PRKAR2B: variants seen among roughly 807,000 people sequenced by gnomAD.
The protein encoded by PRKAR2B is protein kinase cAMP-dependent type II regulatory subunit beta, also known as cAMP-dependent protein kinase type II-beta regulatory subunit.
A neutral mutation model predicts 49.9 loss-of-function variants in PRKAR2B; 14 were observed. The observed-to-expected ratio is 0.28, with a 90% CI of 0.19 to 0.44. PRKAR2B has a LOEUF of 0.44. Among genes scored for constraint, PRKAR2B ranks in the 20% least tolerant of loss-of-function variants. The pLI is 1.00. For missense variants in PRKAR2B, 393 were observed against 537.9 expected (o/e 0.73, Z 2.67); for synonymous variants, 196 against 197.7 (o/e 0.99, Z 0.07).
intron 6 of PRKAR2B, among the ~76,000 whole-genome samples, chr7:107,148,700 T>C (rs550698822): frequency 2.8e-4 from 43 of 152,018 alleles, no homozygotes; most frequent in Non-Finnish European, 4.7e-4. Flanking sequence ...AGACTGGAGG[T>C]CTGCCTTATA....
chr7:107,124,508 C>G (rs1226185411), intron 3 of PRKAR2B, among the ~76,000 whole-genome samples: 1 of 152,196 alleles, frequency 6.6e-6, no homozygotes, highest in Non-Finnish European at 1.5e-5. Flanking sequence ...GCCCCCAAGC[C>G]TCTGGGTCAA....
Position 107,133,793 on chromosome 7 carries a change from A to G in PRKAR2B, c.480+5498A>G, listed in dbSNP as rs535391050. ...AATTAGAGTTTTTTTAGTTAATTAA[A>G]AAATATAAATCAGTATACATGTAAA... On this transcript the variant is annotated intron_variant, in intron 4 of 10. Coordinates refer to ENST00000265717, the MANE Select transcript of PRKAR2B (RefSeq NM_002736.3). The G allele has an allele frequency of 2.6e-5, 4 of 152,342 alleles. No individual in the cohort carries two copies. In the East Asian group the frequency reaches 7.7e-4, roughly 29 times the overall value. The allele number at this position is 152,342 out of a possible 1,614,324, so 9.4% of individuals were successfully genotyped here.
rs573871309 is a variant in PRKAR2B, at chr7:107,086,676, G to C, written c.343+16360G>C. Among the ~76,000 whole-genome samples the C allele has an allele frequency of 4.6e-5, 7 of 152,130 alleles. No homozygotes were observed. The East Asian group carries it at 1.4e-3, about 29-fold the overall frequency. On this transcript the variant is annotated intron_variant, in intron 2 of 10. Coordinates refer to ENST00000265717, the MANE Select transcript of PRKAR2B (RefSeq NM_002736.3). ...GGGGCTTTGCCACATTGGCCAGGCT[G>C]GTCTTGAACTCCTGGGGCTCAAGTG...
intron 2 of PRKAR2B, among the ~76,000 whole-genome samples, chr7:107,098,097 A>C (rs951041242): frequency 2.0e-5 from 3 of 152,168 alleles, no homozygotes; most frequent in South Asian, 2.1e-4. Flanking sequence ...TAATATCCTG[A>C]AGAGTGTTTT....
intron 1 of PRKAR2B, among the ~76,000 whole-genome samples, chr7:107,051,819 G>A (rs1584400517): frequency 6.6e-6 from 1 of 152,046 alleles, no homozygotes; most frequent in Non-Finnish European, 1.5e-5. Flanking sequence ...AGGTCAAAAT[G>A]TAAACACATG....
At chr7:107,087,168 A>G (rs1794636533) in intron 2 of PRKAR2B, among the ~76,000 whole-genome samples, 2 of 152,170 alleles carry the variant, frequency 1.3e-5, no homozygotes, top group African/African-American at 4.8e-5. Context: ...ATCTAGCAGA[A>G]AAGTGAAATA....
At chr7:107,106,271 C>T (rs949971880) in intron 2 of PRKAR2B, among the ~76,000 whole-genome samples, 1 of 152,104 alleles carries the variant, frequency 6.6e-6, no homozygotes, top group African/African-American at 2.4e-5. Context: ...CTTGGGAACC[C>T]CTCTGGTAAT....
At chr7:107,104,417 A>T (rs368020014) in intron 2 of PRKAR2B, among the ~76,000 whole-genome samples, 1 of 152,198 alleles carries the variant, frequency 6.6e-6, no homozygotes, top group South Asian at 2.1e-4. Context: ...TTCCTGGGCT[A>T]AGTCCTTGTC....
chr7:107,102,332 TG>T (rs1794987472), intron 2 of PRKAR2B, among the ~76,000 whole-genome samples: 1 of 152,270 alleles, frequency 6.6e-6, no homozygotes. Flanking sequence ...TATATGGTTC[TG>T]GGAACTCCCC....
At chr7:107,153,332 A>G (rs576980281) in intron 8 of PRKAR2B, 81 bp downstream of exon 8, 2 of 1,006,386 alleles carry the variant, frequency 2.0e-6, no homozygotes, top group South Asian at 1.8e-5. Flanking sequence ...TAAACTTTTC[A>G]TATTTCTAAA....
chr7:107,135,280 T>TA (rs1343434096), intron 4 of PRKAR2B, among the ~76,000 whole-genome samples: 1 of 152,092 alleles, frequency 6.6e-6, no homozygotes, highest in Non-Finnish European at 1.5e-5. Flanking sequence ...GTTACAATTT[T>TA]AAAAAAGGAA....
chr7:107,058,657 C>G (rs1467963375), intron 1 of PRKAR2B, among the ~76,000 whole-genome samples: 1 of 152,060 alleles, frequency 6.6e-6, no homozygotes, highest in East Asian at 1.9e-4. Context: ...CTTGAAATAC[C>G]TTTCTTGTAA....
intron 2 of PRKAR2B, among the ~76,000 whole-genome samples, chr7:107,099,336 C>T (rs143783027): frequency 3.9e-5 from 6 of 152,178 alleles, no homozygotes; most frequent in Non-Finnish European, 8.8e-5. Context: ...ATATAATCTC[C>T]TGGTGTGCCG....
At chr7:107,050,231 A>G (rs572165261) in intron 1 of PRKAR2B, among the ~76,000 whole-genome samples, 2 of 152,128 alleles carry the variant, frequency 1.3e-5, no homozygotes, top group South Asian at 4.2e-4. Context: ...CTTTGAAGAC[A>G]TACAATGGAA....
chr7:107,056,711 G>C (rs1436684182), intron 1 of PRKAR2B, among the ~76,000 whole-genome samples: 1 of 152,078 alleles, frequency 6.6e-6, no homozygotes, highest in Non-Finnish European at 1.5e-5. Flanking sequence ...AGGACATTTT[G>C]GGCTGAGACG....
chr7:107,067,046 C>G (rs1794164016), intron 1 of PRKAR2B: 1 of 152,364 alleles, frequency 6.6e-6, no homozygotes, highest in African/African-American at 2.4e-5. Flanking sequence ...GTGGTCTGTC[C>G]ATGCCCCATG....
At chr7:107,111,247 A>G (rs1007495927) in intron 2 of PRKAR2B, among the ~76,000 whole-genome samples, 1 of 152,210 alleles carries the variant, frequency 6.6e-6, no homozygotes, top group Non-Finnish European at 1.5e-5. Context: ...GTACAGTAGA[A>G]CACCAAGTAG....
At chr7:107,074,062 A>AAAAAT (rs201751689) in intron 2 of PRKAR2B, among the ~76,000 whole-genome samples, 27 of 152,234 alleles carry the variant, frequency 1.8e-4, no homozygotes, top group East Asian at 3.9e-4. Context: ...CCCTGTCTCA[A>AAAAAT]AAAATAAAAT....
At chr7:107,106,112 G>T (rs1251339026) in intron 2 of PRKAR2B, among the ~76,000 whole-genome samples, 2 of 152,122 alleles carry the variant, frequency 1.3e-5, no homozygotes, top group East Asian at 1.9e-4. Context: ...TATTTCCTGA[G>T]TGCCTCAACC....
Sources: gnomAD v4.1 joint callset for allele counts (sites outside exome capture counted in the v4.1 genomes callset) on GRCh38, gnomAD v4.1.1 for gene constraint, MANE v1.5 for transcripts, NCBI Gene and HGNC (gene_info 2026-07-23, HGNC 2026-07-21) for gene names.